Variants in DISC1 observed in about 807,000 individuals in gnomAD.
DISC1 encodes disrupted in schizophrenia 1 protein.
DISC1 carries 57 observed loss-of-function variants against 84.5 expected under a neutral mutation model. That is an observed-to-expected ratio of 0.67 (90% CI 0.55 to 0.84). The LOEUF (loss-of-function observed/expected upper bound fraction) is 0.84. Among genes scored for constraint, DISC1 ranks in the 40% least tolerant of loss-of-function variants. The probability of loss-of-function intolerance (pLI) is 0.00; values close to 1 mark genes in which losing one functional copy is unlikely to be tolerated. For synonymous variants in DISC1, 411 were observed against 415.2 expected (o/e 0.99, Z 0.12); for missense variants, 1,000 against 1,057.8 (o/e 0.95, Z 0.76).
At chr1:231,787,074 AAG>A (rs1331835326) in intron 6 of DISC1, among the ~76,000 whole-genome samples, 16 of 152,294 alleles carry the variant, frequency 1.1e-4, no homozygotes, top group African/African-American at 3.8e-4. Context: ...AAGTATTACT[AAG>A]AGAGGGTGTG....
chr1:232,024,261 A>G (rs1240147330), intron 11 of DISC1, among the ~76,000 whole-genome samples: 4 of 152,164 alleles, frequency 2.6e-5, no homozygotes, highest in Non-Finnish European at 4.4e-5. Context: ...GCGTATAGTC[A>G]TTCTGTAGCT....
Position 231,626,895 on chromosome 1 carries a change from C to A in DISC1, c.28C>A (p.Pro10Thr). The change falls in exon 1 of 13, where the codon CCA becomes ACA. Residue 10 changes from proline (P) to threonine (T), a missense_variant. Physicochemically the swap from Pro to Thr is conservative, Grantham distance 38 (BLOSUM62 -1). Coordinates refer to ENST00000439617, the MANE Select transcript of DISC1 (RefSeq NM_018662.3). Reference protein sequence around the residue: MPGGGPQGAPAAAGGGGVSH... With the variant: MPGGGPQGATAAAGGGGVSH... ...GCCAGGCGGGGGTCCTCAGGGCGCC[C>A]CAGCCGCCGCCGGCGGCGGCGGCGT... 6.7e-7 allele frequency: 1 copy of A among 1,500,932 alleles called. No homozygotes were observed. The highest frequency in any genetic ancestry group is 2.2e-5 in the Admixed American group (1 of 45,140). 93.0% of individuals were successfully genotyped at this position (1,500,932 alleles called of 1,614,324 possible).
intron 11 of DISC1, among the ~76,000 whole-genome samples, chr1:232,020,196 G>A (rs571300470): frequency 6.6e-6 from 1 of 152,082 alleles, no homozygotes; most frequent in African/African-American, 2.4e-5. Context: ...ACAAAAATTA[G>A]CCTGGCATGG....
intron 11 of DISC1, among the ~76,000 whole-genome samples, chr1:232,016,822 TGAC>T (rs1668528829): frequency 6.6e-6 from 1 of 152,358 alleles, no homozygotes; most frequent in African/African-American, 2.4e-5. Context: ...TCTTTACCAC[TGAC>T]GACATCTGGA....
chr1:231,989,570 C>T (rs1457513424), intron 10 of DISC1, among the ~76,000 whole-genome samples: 1 of 152,076 alleles, frequency 6.6e-6, no homozygotes, highest in Admixed American at 6.5e-5. Flanking sequence ...CTAGCTTTTC[C>T]AAGAGGAGTG....
intron 9 of DISC1, among the ~76,000 whole-genome samples, chr1:231,922,736 C>G (rs2090085518): frequency 6.6e-6 from 1 of 151,980 alleles, no homozygotes; most frequent in African/African-American, 2.4e-5. Flanking sequence ...TGCACCCTCC[C>G]TCTGGGTTCC....
intron 1 of DISC1, among the ~76,000 whole-genome samples, chr1:231,654,469 T>G (rs1041476274): frequency 2.6e-5 from 4 of 152,084 alleles, no homozygotes; most frequent in African/African-American, 7.2e-5. Flanking sequence ...TATGAAATTT[T>G]TGTGTGTGTG....
intron 9 of DISC1, among the ~76,000 whole-genome samples, chr1:231,909,905 G>A (rs2089038896): frequency 6.6e-6 from 1 of 152,190 alleles, no homozygotes; most frequent in Non-Finnish European, 1.5e-5. Flanking sequence ...TTAGTCTTGG[G>A]AGGATGTATG....
At chr1:231,987,927 A>G (rs1664677556) in intron 10 of DISC1, among the ~76,000 whole-genome samples, 2 of 152,140 alleles carry the variant, frequency 1.3e-5, no homozygotes, top group South Asian at 4.1e-4. Flanking sequence ...GGTGGCTTAC[A>G]CCTGTAATCC....
At chr1:231,770,504 G>A (rs2076470814) in intron 5 of DISC1, among the ~76,000 whole-genome samples, 2 of 152,140 alleles carry the variant, frequency 1.3e-5, no homozygotes, top group Non-Finnish European at 2.9e-5. Context: ...GGTGCATGAG[G>A]CTCCCTGCCC....
intron 9 of DISC1, among the ~76,000 whole-genome samples, chr1:231,912,996 C>A (rs964321010): frequency 2.4e-4 from 37 of 151,926 alleles, no homozygotes; most frequent in Admixed American, 2.4e-3. Context: ...CAGCCTCCAC[C>A]TCCCAGGCTC....
chr1:231,750,134 C>G (rs369790053), intron 4 of DISC1, 58 bp downstream of exon 4: 1 of 1,579,648 alleles, frequency 6.3e-7, no homozygotes. Context: ...CTCTCAGCTC[C>G]CACATAGTGA....
chr1:231,970,013 G>A (rs531853372), intron 10 of DISC1, among the ~76,000 whole-genome samples: 79 of 152,224 alleles, frequency 5.2e-4, no homozygotes, highest in African/African-American at 1.6e-3. Context: ...TGGACGTTTG[G>A]GTTGGTCCCA....
chr1:231,870,134 G>T (rs757880140), intron 9 of DISC1, among the ~76,000 whole-genome samples: 11 of 152,104 alleles, frequency 7.2e-5, no homozygotes, highest in Non-Finnish European at 1.6e-4. Context: ...AGAAGATGAG[G>T]TTTGAACACT....
In DISC1 at chr1:231,795,309, A is replaced by G. The variant is rs766743294; in HGVS notation, c.1689+13A>G. Reference sequence around the variant, plus strand: ...AATCACTACTAAGGTAAGTACCTTTATATTCCCATTTTCCAAAGAAGCCTA... The same window carrying G: ...AATCACTACTAAGGTAAGTACCTTTGTATTCCCATTTTCCAAAGAAGCCTA... On this transcript the variant is annotated intron_variant, in intron 7 of 12. Transcript: ENST00000439617. 1 of 1,608,264 alleles carries G rather than the reference A, an allele frequency of 6.2e-7. No homozygotes were observed. Among genetic ancestry groups the G allele is most frequent in the Non-Finnish European group, 8.5e-7 (1 of 1,175,046 alleles).
chr1:231,991,000 C>T (rs1202248267), intron 10 of DISC1, among the ~76,000 whole-genome samples: 2 of 152,238 alleles, frequency 1.3e-5, no homozygotes, highest in African/African-American at 2.4e-5. Flanking sequence ...CATGGTAAGC[C>T]ATCAGCCTCG....
chr1:231,767,031 T>G (rs949493449), intron 4 of DISC1, 109 bp from the exon 5 acceptor site: 30 of 1,434,724 alleles, frequency 2.1e-5, no homozygotes, highest in Non-Finnish European at 2.4e-5. Context: ...CTCCTAAGTA[T>G]GAGAACAGAT....
chr1:232,029,621 GC>G (rs1192143108), intron 12 of DISC1, among the ~76,000 whole-genome samples: 1 of 152,210 alleles, frequency 6.6e-6, no homozygotes, highest in Non-Finnish European at 1.5e-5. Flanking sequence ...TGCTGCCAGA[GC>G]CTACTGTGCA....
intron 11 of DISC1, among the ~76,000 whole-genome samples, chr1:232,017,511 C>T (rs1157122601): frequency 7.0e-6 from 1 of 142,084 alleles, no homozygotes; most frequent in African/African-American, 2.7e-5. Context: ...ACTGTGTAGC[C>T]TGTGACTTTC....
Sources: gnomAD v4.1 joint callset for allele counts (sites outside exome capture counted in the v4.1 genomes callset) on GRCh38, gnomAD v4.1.1 for gene constraint, MANE v1.5 for transcripts, NCBI Gene and HGNC (gene_info 2026-07-23, HGNC 2026-07-21) for gene names.